KCNS3: variants seen among roughly 807,000 people sequenced by gnomAD.
KCNS3 encodes the protein delayed-rectifier potassium channel regulatory subunit KCNS3.
KCNS3 carries 13 observed loss-of-function variants against 31.0 expected under a neutral mutation model. The observed-to-expected ratio is 0.42, with a 90% CI of 0.27 to 0.67. The LOEUF (loss-of-function observed/expected upper bound fraction) is 0.67, where lower values mean the gene tolerates loss of function less well. Among genes scored for constraint, KCNS3 ranks in the 30% least tolerant of loss-of-function variants. The pLI is 0.25. For missense variants in KCNS3, 545 were observed against 622.4 expected, an observed-to-expected ratio of 0.88 and a Z score of 1.32; for synonymous variants, 238 against 241.5, an observed-to-expected ratio of 0.99 and a Z score of 0.13.
chr2:17,878,488 A>G (rs1312221192), upstream of KCNS3, among the ~76,000 whole-genome samples: 1 of 151,526 alleles, frequency 6.6e-6, no homozygotes, highest in African/African-American at 2.4e-5. Context: ...GGAGCCCCGC[A>G]GTCCTCAGCC....
intron 1 of KCNS3, among the ~76,000 whole-genome samples, chr2:17,911,567 G>A (rs980890166): frequency 6.6e-6 from 1 of 152,122 alleles, no homozygotes; most frequent in Non-Finnish European, 1.5e-5. Flanking sequence ...GAGATGTAGA[G>A]AGTAGAAAGC....
intron 1 of KCNS3, among the ~76,000 whole-genome samples, chr2:17,880,935 A>G: frequency 6.6e-6 from 1 of 152,284 alleles, no homozygotes; most frequent in African/African-American, 2.4e-5. Flanking sequence ...TGCCATTGGA[A>G]TGTGTGTCAG....
intron 1 of KCNS3, among the ~76,000 whole-genome samples, chr2:17,879,952 C>T (rs1378895376): frequency 6.6e-6 from 1 of 152,164 alleles, no homozygotes; most frequent in East Asian, 1.9e-4. Context: ...AGCCTTCGTT[C>T]GGGTTTTTTG....
At chr2:17,885,243 C>G (rs1489379117) in intron 1 of KCNS3, among the ~76,000 whole-genome samples, 1 of 152,074 alleles carries the variant, frequency 6.6e-6, no homozygotes, top group Non-Finnish European at 1.5e-5. Context: ...ATGGAGAGTC[C>G]TGGGCATGGT....
At chr2:17,924,814 G>A (rs1332721373) in intron 2 of KCNS3, among the ~76,000 whole-genome samples, 1 of 152,092 alleles carries the variant, frequency 6.6e-6, no homozygotes, top group African/African-American at 2.4e-5. Context: ...TAGTTTTCTT[G>A]TGATGTCTTT....
chr2:17,931,443 G>A lies in KCNS3; in HGVS notation c.435G>A (p.Ser145=), dbSNP rs373467913. ...GCCATGATGTGAGTACCGACTCCTCGTTTGAAGAGTCGTCTCTGTTTGAGA... is the reference window on the plus strand; with the variant it reads ...GCCATGATGTGAGTACCGACTCCTCATTTGAAGAGTCGTCTCTGTTTGAGA... The part of the protein sequence containing the change: ...QKSHDVSTDS[S]FEESSLFEKE... The change falls in exon 3 of 3, where the codon TCG becomes TCA. Residue 145 remains serine (S), a synonymous_variant. Coordinates refer to ENST00000304101, the MANE Select transcript of KCNS3 (RefSeq NM_002252.5). The surrounding 1 kb of genome is among the most constrained non-coding windows in gnomAD (Gnocchi z 5.4). 2.9e-4 allele frequency: 473 copies of A among 1,614,032 alleles called. No homozygotes were observed. Among genetic ancestry groups the A allele is most frequent in the East Asian group, 7.4e-4 (33 of 44,894 alleles).
At chr2:17,907,940 G>A (rs1260168954) in intron 1 of KCNS3, among the ~76,000 whole-genome samples, 1 of 152,134 alleles carries the variant, frequency 6.6e-6, no homozygotes, top group Non-Finnish European at 1.5e-5. Flanking sequence ...TGTGTGTCTT[G>A]GAGTTGCTCT....
At position 17,929,545 on chromosome 2, in the gene KCNS3, C is replaced by T. The variant is rs183310637; in HGVS notation, c.-59-1405C>T. Among the ~76,000 whole-genome samples the T allele has an allele frequency of 5.3e-5, 8 of 152,326 alleles. No homozygotes were observed. The East Asian group carries it at 1.5e-3, about 29-fold the overall frequency. ...CCCACCAGGCTCCACCTGCAACACG[C>T]AGGATCACAATTCAACATGAGATTT... On this transcript the variant is annotated intron_variant, in intron 2 of 2. Transcript: ENST00000304101.
intron 1 of KCNS3, among the ~76,000 whole-genome samples, chr2:17,879,075 C>T (rs1439173615): frequency 6.6e-6 from 1 of 152,150 alleles, no homozygotes; most frequent in Non-Finnish European, 1.5e-5. Flanking sequence ...GCTGTTGAAG[C>T]GGTGGCTGGG....
intron 2 of KCNS3, among the ~76,000 whole-genome samples, chr2:17,925,478 C>G (rs1005057243): frequency 2.0e-5 from 3 of 152,118 alleles, no homozygotes; most frequent in Non-Finnish European, 4.4e-5. Context: ...AAGACATACC[C>G]GACTGGGTAA....
At position 17,932,655 on chromosome 2, in the gene KCNS3, C is replaced by G; in HGVS notation, c.*171C>G. ...ATGATAGAATTGTCTTTATTTTTCT[C>G]TGTGAGGTCAATTAAATGCCTTGTT... On this transcript the variant is annotated 3_prime_UTR_variant, in exon 3 of 3. Transcript: ENST00000304101. 1.5e-6 allele frequency: 1 copy of G among 665,644 alleles called. No homozygotes were observed. The highest frequency in any genetic ancestry group is 2.5e-6 in the Non-Finnish European group (1 of 404,238). The allele number at this position is 665,644 out of a possible 1,614,324, so 41.2% of individuals were successfully genotyped here.
chr2:17,905,556 C>T (rs1266347673), intron 1 of KCNS3, among the ~76,000 whole-genome samples: 1 of 152,192 alleles, frequency 6.6e-6, no homozygotes, highest in Admixed American at 6.5e-5. Flanking sequence ...AAAGGGAATG[C>T]TTCCAGTTTT....
chr2:17,931,587 C>T lies in KCNS3; in HGVS notation c.579C>T (p.Ser193=), dbSNP rs77630608. 257 of 1,614,140 alleles carry T rather than the reference C, an allele frequency of 1.6e-4. No homozygotes were observed. The highest frequency in any genetic ancestry group is 1.0e-3 in the African/African-American group (77 of 75,034). The part of the protein sequence containing the change: ...SAKLIAISSL[S]VVLASIVAMC... Reference sequence around the variant, plus strand: ...AGCTTATCGCTATCTCCTCCTTGAGCGTGGTGCTGGCCTCCATCGTGGCCA... The same window carrying T: ...AGCTTATCGCTATCTCCTCCTTGAGTGTGGTGCTGGCCTCCATCGTGGCCA... Residue 193 remains serine (S), a synonymous_variant, in exon 3 of 3, where the codon AGC becomes AGT. Coordinates refer to ENST00000304101, the MANE Select transcript of KCNS3 (RefSeq NM_002252.5). This position sits in a 1 kb window ranked among gnomAD's most constrained non-coding sequence, Gnocchi z 5.4.
At chr2:17,910,628 T>C (rs548295378) in intron 1 of KCNS3, among the ~76,000 whole-genome samples, 7 of 152,020 alleles carry the variant, frequency 4.6e-5, no homozygotes, top group African/African-American at 1.7e-4. Context: ...AGTGGAAGTG[T>C]CTACTTTTTT....
At chr2:17,928,029 A>G (rs1662875653) in intron 2 of KCNS3, among the ~76,000 whole-genome samples, 2 of 152,230 alleles carry the variant, frequency 1.3e-5, no homozygotes, top group East Asian at 3.8e-4. Context: ...GGGCTATGTC[A>G]CAGGCCATTG....
chr2:17,915,233 C>A (rs12991837), intron 1 of KCNS3, among the ~76,000 whole-genome samples: 1 of 151,984 alleles, frequency 6.6e-6, no homozygotes, highest in Non-Finnish European at 1.5e-5. Context: ...TTTCCAGGAT[C>A]GGGCTGAATC....
intron 1 of KCNS3, among the ~76,000 whole-genome samples, chr2:17,909,519 A>G (rs11682481): frequency 0.65 from 98,493 of 151,986 alleles, 33,326 homozygotes; most frequent in Non-Finnish European, 0.77. Flanking sequence ...CTCAGTTGGA[A>G]ATGCAGAAAT....
At chr2:17,926,183 G>T (rs927587620) in intron 2 of KCNS3, among the ~76,000 whole-genome samples, 4 of 152,252 alleles carry the variant, frequency 2.6e-5, no homozygotes, top group Non-Finnish European at 5.9e-5. Context: ...CCAGGTCACA[G>T]TGATGCAAGA....
upstream of KCNS3, among the ~76,000 whole-genome samples, chr2:17,878,444 T>C (rs1320976803): frequency 4.0e-5 from 6 of 151,640 alleles, no homozygotes; most frequent in Non-Finnish European, 1.5e-5. Flanking sequence ...GGGCAGCATC[T>C]AGGTCTATGG....
Sources: gnomAD v4.1 joint callset for allele counts (sites outside exome capture counted in the v4.1 genomes callset) on GRCh38, gnomAD v4.1.1 for gene constraint, Gnocchi (gnomAD v3.1) non-coding constraint, MANE v1.5 for transcripts, NCBI Gene and HGNC (gene_info 2026-07-23, HGNC 2026-07-21) for gene names.